ABTB2: variants seen among roughly 807,000 people sequenced by gnomAD.
The protein encoded by ABTB2 is ankyrin repeat and BTB/POZ domain-containing protein 2.
ABTB2 carries 56 observed loss-of-function variants against 104.1 expected under a neutral mutation model. The ratio of observed to expected loss-of-function variants is 0.54; its 90% CI spans 0.43 to 0.67. The LOEUF (loss-of-function observed/expected upper bound fraction) is 0.67. ABTB2 is among the 30% of genes least tolerant of loss of function. The pLI is 0.00. For synonymous variants in ABTB2, 606 were observed against 608.2 expected (o/e 1.00, Z 0.05); for missense variants, 1,279 against 1,407.7 (o/e 0.91, Z 1.46).
intron 1 of ABTB2, among the ~76,000 whole-genome samples, chr11:34,316,981 T>C (rs968064484): frequency 3.9e-5 from 6 of 152,212 alleles, no homozygotes; most frequent in African/African-American, 1.4e-4. Flanking sequence ...CATCAGTGTC[T>C]GCTTCAAAAC....
At chr11:34,336,928 T>C (rs1188827651) in intron 1 of ABTB2, among the ~76,000 whole-genome samples, 4 of 152,158 alleles carry the variant, frequency 2.6e-5, no homozygotes, top group African/African-American at 9.7e-5. Context: ...AACTATCATA[T>C]GAGGGAAACA....
At chr11:34,246,187 C>T (rs1853981191) in intron 1 of ABTB2, among the ~76,000 whole-genome samples, 2 of 152,162 alleles carry the variant, frequency 1.3e-5, no homozygotes, top group Non-Finnish European at 2.9e-5. Context: ...AAAGTAACAA[C>T]AAAATCCCCT....
intron 1 of ABTB2, among the ~76,000 whole-genome samples, chr11:34,222,218 G>A (rs1853633615): frequency 6.6e-6 from 1 of 152,196 alleles, no homozygotes; most frequent in African/African-American, 2.4e-5. Context: ...TGCATAAGAG[G>A]TTGTGGTGAC....
intron 1 of ABTB2, among the ~76,000 whole-genome samples, chr11:34,277,119 C>G (rs1854390791): frequency 6.6e-6 from 1 of 152,166 alleles, no homozygotes; most frequent in Non-Finnish European, 1.5e-5. Context: ...CCAGGCTGGT[C>G]TCGAACTCCT....
At chr11:34,153,529 C>T (rs746066818) in intron 16 of ABTB2, among the ~76,000 whole-genome samples, 7 of 152,164 alleles carry the variant, frequency 4.6e-5, no homozygotes, top group Non-Finnish European at 1.0e-4. Flanking sequence ...CCACCACACT[C>T]AGCTAGTTTG....
At chr11:34,212,295 G>A (rs1158620819) in intron 1 of ABTB2, among the ~76,000 whole-genome samples, 2 of 152,248 alleles carry the variant, frequency 1.3e-5, no homozygotes, top group Admixed American at 1.3e-4. Context: ...GACCTCAAGT[G>A]ATCCACCTGC....
At chr11:34,283,784 G>A (rs915664452) in intron 1 of ABTB2, among the ~76,000 whole-genome samples, 2 of 152,178 alleles carry the variant, frequency 1.3e-5, no homozygotes, top group Admixed American at 1.3e-4. Flanking sequence ...AGACACAGCT[G>A]CCAGGAAACT....
At chr11:34,220,241 G>A (rs947451089) in intron 1 of ABTB2, among the ~76,000 whole-genome samples, 4 of 152,106 alleles carry the variant, frequency 2.6e-5, no homozygotes, top group African/African-American at 4.8e-5. Context: ...ACTTGAAACC[G>A]GGCTGACCTC....
At chr11:34,184,087 C>G (rs1378330193) in intron 3 of ABTB2, among the ~76,000 whole-genome samples, 1 of 148,092 alleles carries the variant, frequency 6.8e-6, no homozygotes, top group African/African-American at 2.5e-5. Flanking sequence ...TTTGTAGAGA[C>G]AGGTCTATGT....
intron 1 of ABTB2, among the ~76,000 whole-genome samples, chr11:34,334,037 C>T (rs913518859): frequency 6.8e-6 from 1 of 146,364 alleles, no homozygotes; most frequent in Non-Finnish European, 1.5e-5. Flanking sequence ...AAAAAAGCCA[C>T]AGGCAAAAGT....
At chr11:34,177,045 C>T (rs1284728399) in intron 3 of ABTB2, among the ~76,000 whole-genome samples, 1 of 152,194 alleles carries the variant, frequency 6.6e-6, no homozygotes, top group Non-Finnish European at 1.5e-5. Context: ...GCCTTTATTT[C>T]AACCATCAGC....
At chr11:34,213,587 T>A (rs545585876) in intron 1 of ABTB2, among the ~76,000 whole-genome samples, 169 of 152,306 alleles carry the variant, frequency 1.1e-3, no homozygotes, top group African/African-American at 3.8e-3. Flanking sequence ...ATGGTAAATA[T>A]CAGTTCTGAC....
At chr11:34,157,711 C>T (rs896614210) in intron 14 of ABTB2, among the ~76,000 whole-genome samples, 30 of 152,208 alleles carry the variant, frequency 2.0e-4, no homozygotes, top group Non-Finnish European at 4.4e-4. Flanking sequence ...CTCCCACATC[C>T]GTCAGTTACC....
chr11:34,183,257 G>A (rs915168303), intron 3 of ABTB2, among the ~76,000 whole-genome samples: 1 of 152,086 alleles, frequency 6.6e-6, no homozygotes, highest in African/African-American at 2.4e-5. Flanking sequence ...TGTGCCACCA[G>A]ACTCGGCTAA....
intron 1 of ABTB2, among the ~76,000 whole-genome samples, chr11:34,300,175 A>T (rs1854684216): frequency 6.6e-6 from 1 of 152,196 alleles, no homozygotes; most frequent in African/African-American, 2.4e-5. Context: ...CTAGCTCAGC[A>T]TGAATACCCT....
intron 1 of ABTB2, among the ~76,000 whole-genome samples, chr11:34,232,054 C>T (rs1328062327): frequency 6.6e-6 from 1 of 152,066 alleles, no homozygotes; most frequent in Non-Finnish European, 1.5e-5. Flanking sequence ...CTAAGGAAAT[C>T]CTAAAGAAGT....
At chr11:34,153,546 C>T (rs1041148523) in intron 16 of ABTB2, among the ~76,000 whole-genome samples, 2 of 152,190 alleles carry the variant, frequency 1.3e-5, no homozygotes, top group African/African-American at 4.8e-5. Flanking sequence ...TTTGTAGAGG[C>T]AGGTTCTTGC....
chr11:34,250,113 C>T (rs1006781780), intron 1 of ABTB2, among the ~76,000 whole-genome samples: 6 of 152,132 alleles, frequency 3.9e-5, no homozygotes, highest in Non-Finnish European at 8.8e-5. Context: ...TGCCTTGGAA[C>T]TGAAAGAACA....
intron 1 of ABTB2, among the ~76,000 whole-genome samples, chr11:34,302,226 T>C (rs949690950): frequency 1.2e-4 from 19 of 152,218 alleles, no homozygotes; most frequent in African/African-American, 4.6e-4. Flanking sequence ...TCATGAGTAT[T>C]TTCCTATGCT....
Sources: allele counts gnomAD v4.1 joint callset (sites outside exome capture counted in the v4.1 genomes callset), GRCh38; gene constraint gnomAD v4.1.1; transcripts MANE v1.5; gene names NCBI Gene and HGNC (gene_info 2026-07-23, HGNC 2026-07-21).